GABRA6: variants seen among roughly 807,000 people sequenced by gnomAD.
GABRA6 encodes the protein gamma-aminobutyric acid type A receptor subunit alpha6, also known as gamma-aminobutyric acid receptor subunit alpha-6.
A neutral mutation model predicts 47.3 loss-of-function variants in GABRA6; 45 were observed. That is an observed-to-expected ratio of 0.95 (90% CI 0.75 to 1.22). The LOEUF is 1.22. Among genes scored for constraint, GABRA6 ranks in the 50% most tolerant of loss-of-function variants. The probability of loss-of-function intolerance (pLI) is 0.00; values close to 1 mark genes in which losing one functional copy is unlikely to be tolerated. For synonymous variants in GABRA6, 219 were observed against 194.7 expected (o/e 1.12, Z -1.04); for missense variants, 583 against 549.3 (o/e 1.06, Z -0.61).
At chr5:161,686,167 G>A (rs1754686881) in intron 1 of GABRA6, 63 bp from the exon 2 acceptor site, 2 of 1,422,536 alleles carry the variant, frequency 1.4e-6, no homozygotes, top group Admixed American at 1.7e-5. Context: ...GTGGAATAGA[G>A]TAGATTAGAC....
rs111975174 is a variant in GABRA6, at chr5:161,692,813, T to C, written c.1086+613T>C. Among the ~76,000 whole-genome samples the C allele has an allele frequency of 2.5e-4, 38 of 152,364 alleles. 1 individual carries two copies. Among genetic ancestry groups the C allele is most frequent in the African/African-American group, 9.1e-4 (38 of 41,590 alleles). ...TCAGTGAGAAATAGTTATAAATTTT[T>C]GTTAAATTTGCTGTGGCTAAGTTCT... is the stretch of plus-strand genomic sequence containing the variant. On this transcript the variant is annotated intron_variant, in intron 8 of 8. Transcript: ENST00000274545.
In GABRA6 at chr5:161,699,516, A is replaced by C. The variant is rs1754942081; in HGVS notation, c.1087-1982A>C. Among the ~76,000 whole-genome samples the C allele has an allele frequency of 3.3e-5, 5 of 150,458 alleles. No individual in the cohort carries two copies. In the South Asian group the frequency reaches 1.1e-3, roughly 32 times the overall value. On this transcript the variant is annotated intron_variant, in intron 8 of 8. Transcript: ENST00000274545. ...ACAGTTACTCTGCTTCTATCCACAC[A>C]CAGCCTGGTGATCCTGGGCATAGTA...
chr5:161,702,137 G>A lies in GABRA6; in HGVS notation c.*364G>A. On this transcript the variant is annotated 3_prime_UTR_variant, in exon 9 of 9. Transcript: ENST00000274545. Reference sequence around the variant, plus strand: ...AATAAGAAATGCTGACACTTCCAAAGGTTGCCTTAAAATATGTTTATTTTG... The same window carrying A: ...AATAAGAAATGCTGACACTTCCAAAAGTTGCCTTAAAATATGTTTATTTTG... 1 of 244,628 alleles carries A rather than the reference G, an allele frequency of 4.1e-6. No homozygotes were observed. Among genetic ancestry groups the A allele is most frequent in the Non-Finnish European group, 8.1e-6 (1 of 124,036 alleles). The allele number at this position is 244,628 out of a possible 1,614,324, so 15.2% of individuals were successfully genotyped here. A position where few individuals can be genotyped will look rare whatever the true frequency, so the allele number is the denominator to read the frequency against.
At position 161,686,213 on chromosome 5, in the gene GABRA6, T is replaced by G; in HGVS notation, c.39-17T>G. On this transcript the variant is annotated splice_polypyrimidine_tract_variant and intron_variant, in intron 1 of 8. Coordinates refer to ENST00000274545, the MANE Select transcript of GABRA6 (RefSeq NM_000811.3). ...CTCTGAGCCTGGGAGTAAGGATCAT[T>G]GACTGTCTACACACAGGCTAGAAAA... is the stretch of plus-strand genomic sequence containing the variant. 6.3e-7 allele frequency: 1 copy of G among 1,575,956 alleles called. No homozygotes were observed. Among genetic ancestry groups the G allele is most frequent in the Non-Finnish European group, 8.7e-7 (1 of 1,145,228 alleles).
At chr5:161,689,570 A>C in intron 5 of GABRA6, 66 bp from the exon 6 acceptor site, 8 of 1,379,342 alleles carry the variant, frequency 5.8e-6, no homozygotes, top group Non-Finnish European at 8.2e-6. Flanking sequence ...GACAATGTGC[A>C]CTTTGAAGGA....
At chr5:161,690,502 C>T (rs1754772941) in intron 7 of GABRA6, 149 bp downstream of exon 7, 1 of 866,808 alleles carries the variant, frequency 1.2e-6, no homozygotes, top group Non-Finnish European at 1.9e-6. Context: ...CATGCAAAAT[C>T]ACTGTCATTA....
intron 3 of GABRA6, 142 bp downstream of exon 3, chr5:161,687,145 C>T: frequency 1.3e-6 from 1 of 744,210 alleles, no homozygotes; most frequent in South Asian, 1.5e-5. Flanking sequence ...AGGGCATGAC[C>T]ATTAGAATGG....
chr5:161,686,480 T>C, intron 2 of GABRA6, 132 bp downstream of exon 2: 1 of 772,916 alleles, frequency 1.3e-6, no homozygotes, highest in Non-Finnish European at 2.3e-6. Context: ...CATGGGTATG[T>C]TCCCATCCAG....
At chr5:161,686,379 C>T in intron 2 of GABRA6, 31 bp downstream of exon 2, 1 of 1,485,844 alleles carries the variant, frequency 6.7e-7, no homozygotes, top group Non-Finnish European at 9.4e-7. Flanking sequence ...TACACAAACA[C>T]CTGTAGTTTC....
Position 161,685,849 on chromosome 5 carries a change from A to T in GABRA6, c.-141A>T. 1.3e-6 allele frequency: 1 copy of T among 758,528 alleles called. No individual in the cohort carries two copies. The highest frequency in any genetic ancestry group is 2.4e-6 in the Non-Finnish European group (1 of 416,690). The allele number at this position is 758,528 out of a possible 1,614,324, so 47.0% of individuals were successfully genotyped here. A position where few individuals can be genotyped will look rare whatever the true frequency, so the allele number is the denominator to read the frequency against. On this transcript the variant is annotated 5_prime_UTR_variant, in exon 1 of 9. Transcript: ENST00000274545. ...AAATTTTTAGGCAACCTCTTTATCT[A>T]TTGGATTACTGACTTGAGGCAAACA...
At chr5:161,687,596 G>T (rs1263766571) in intron 3 of GABRA6, 2 of 451,544 alleles carry the variant, frequency 4.4e-6, no homozygotes, top group East Asian at 1.4e-4. Flanking sequence ...TCATCTTTTA[G>T]AACAAAGTGT....
rs569839970 is a variant in GABRA6, at chr5:161,701,055, A to AGGC, written c.1087-442_1087-440dup. On this transcript the variant is annotated intron_variant, in intron 8 of 8. Coordinates refer to ENST00000274545, the MANE Select transcript of GABRA6 (RefSeq NM_000811.3). ...TACAGAAGAATGGCGTCAATAAACC[A>AGGC]GGCTGTAATTTTTTTGTACTAATTG... 3.4e-3 allele frequency among the ~76,000 whole-genome samples: 521 copies of AGGC among 152,294 alleles called. 3 individuals carry two copies. Among genetic ancestry groups the AGGC allele is most frequent in the African/African-American group, 0.012 (498 of 41,560 alleles).
chr5:161,691,170 A>C (rs1324177006), intron 7 of GABRA6, among the ~76,000 whole-genome samples: 2 of 151,894 alleles, frequency 1.3e-5, no homozygotes, highest in Admixed American at 6.6e-5. Flanking sequence ...AGCTAGAAAC[A>C]CAAATTAGGT....
intron 1 of GABRA6, 95 bp downstream of exon 1, chr5:161,686,122 A>G: frequency 7.1e-7 from 1 of 1,401,050 alleles, no homozygotes; most frequent in South Asian, 1.1e-5. Context: ...ATCATGAAAG[A>G]GGCCAGAAGT....
chr5:161,691,288 CTTTTTTTTTTT>C (rs1160422481), intron 7 of GABRA6, among the ~76,000 whole-genome samples: 19 of 84,726 alleles, frequency 2.2e-4, no homozygotes, highest in Non-Finnish European at 3.6e-4. Context: ...TTTTTCTTTC[CTTTTTTTTTTT>C]TTTTTTTTTT....
chr5:161,695,891 T>A (rs1754877795), intron 8 of GABRA6, among the ~76,000 whole-genome samples: 1 of 152,162 alleles, frequency 6.6e-6, no homozygotes, highest in Non-Finnish European at 1.5e-5. Context: ...ATTTGATAAG[T>A]GCCTTTATGT....
rs1754681372 is a variant in GABRA6, at chr5:161,685,850, T to C, written c.-140T>C. 1.3e-6 allele frequency: 1 copy of C among 762,384 alleles called. No individual in the cohort carries two copies. The highest frequency in any genetic ancestry group is 1.9e-5 in the Admixed American group (1 of 53,206). 47.2% of individuals were successfully genotyped at this position (762,384 alleles called of 1,614,324 possible). ...AATTTTTAGGCAACCTCTTTATCTATTGGATTACTGACTTGAGGCAAACAA... is the reference window on the plus strand; with the variant it reads ...AATTTTTAGGCAACCTCTTTATCTACTGGATTACTGACTTGAGGCAAACAA... On this transcript the variant is annotated 5_prime_UTR_variant, in exon 1 of 9. Coordinates refer to ENST00000274545, the MANE Select transcript of GABRA6 (RefSeq NM_000811.3).
At chr5:161,695,180 A>G (rs1754866556) in intron 8 of GABRA6, among the ~76,000 whole-genome samples, 1 of 152,134 alleles carries the variant, frequency 6.6e-6, no homozygotes, top group Non-Finnish European at 1.5e-5. Context: ...GAATGTGGGT[A>G]AAAATTTATT....
At chr5:161,688,541 C>A (rs1489925938) in intron 3 of GABRA6, among the ~76,000 whole-genome samples, 1 of 152,050 alleles carries the variant, frequency 6.6e-6, no homozygotes, top group Non-Finnish European at 1.5e-5. Context: ...TCTGAAATAC[C>A]TTTGAGGGTG....
Sources: allele counts gnomAD v4.1 joint callset (sites outside exome capture counted in the v4.1 genomes callset), GRCh38; gene constraint gnomAD v4.1.1; transcripts MANE v1.5; gene names NCBI Gene and HGNC (gene_info 2026-07-23, HGNC 2026-07-21).